The following ADGRL3 variants were observed in gnomAD, a reference collection of about 807,000 sequenced individuals.
ADGRL3 encodes the protein adhesion G protein-coupled receptor L3.
Under a neutral mutation model 153.5 loss-of-function variants are expected in ADGRL3, and 62 were observed. That is an observed-to-expected ratio of 0.40 (90% CI 0.33 to 0.50). ADGRL3 has a LOEUF of 0.50. Among genes scored for constraint, ADGRL3 ranks in the 20% least tolerant of loss-of-function variants. The pLI, the probability that ADGRL3 is intolerant of heterozygous loss-of-function variation, is 0.47. For missense variants in ADGRL3, 1,641 were observed against 1,859.4 expected, an observed-to-expected ratio of 0.88 and a Z score of 2.16; for synonymous variants, 710 against 672.5, an observed-to-expected ratio of 1.06 and a Z score of -0.86.
rs184534882 is a variant in ADGRL3 at position 61,583,535 on chromosome 4, A to G, written c.260-3692A>G. 155 of 348,480 alleles carry G rather than the reference A, an allele frequency of 4.4e-4. No individual in the cohort carries two copies. In the Middle Eastern group the frequency reaches 0.012, roughly 26 times the overall value. 21.6% of individuals were successfully genotyped at this position (348,480 alleles called of 1,614,324 possible). A position where few individuals can be genotyped will look rare whatever the true frequency, so the allele number is the denominator to read the frequency against. ...AGGGAGCTATTTCTTTTATTATTTG[A>G]TATTTATATTTTATGTGCTTTCCTC... On this transcript the variant is annotated intron_variant, in intron 4 of 26. Coordinates refer to ENST00000683033, the MANE Select transcript of ADGRL3 (RefSeq NM_001387552.1).
At chr4:61,935,157 A>C (rs2098832883) in intron 14 of ADGRL3, 134 bp downstream of exon 14, 2 of 708,916 alleles carry the variant, frequency 2.8e-6, no homozygotes, top group South Asian at 2.0e-5. Context: ...TTTTTCTAAA[A>C]TAAAGAGGGC....
intron 4 of ADGRL3, among the ~76,000 whole-genome samples, chr4:61,522,881 A>G (rs1028713708): frequency 6.6e-5 from 10 of 152,026 alleles, no homozygotes; most frequent in Non-Finnish European, 1.3e-4. Flanking sequence ...GGCAAATATT[A>G]TCTTTGCTGG....
At chr4:61,233,716 T>A (rs2149224725) in intron 1 of ADGRL3, among the ~76,000 whole-genome samples, 1 of 152,128 alleles carries the variant, frequency 6.6e-6, no homozygotes, top group Middle Eastern at 3.4e-3. Flanking sequence ...TGTGTGTGTG[T>A]TCTACAAGTT....
intron 1 of ADGRL3, among the ~76,000 whole-genome samples, chr4:61,258,917 G>A (rs532350122): frequency 3.9e-5 from 6 of 152,220 alleles, no homozygotes; most frequent in Admixed American, 1.3e-4. Flanking sequence ...TATTTACTTT[G>A]CTTCCTTAAA....
intron 1 of ADGRL3, among the ~76,000 whole-genome samples, chr4:61,211,144 A>G (rs1463370473): frequency 6.6e-6 from 1 of 152,108 alleles, no homozygotes; most frequent in African/African-American, 2.4e-5. Flanking sequence ...TGTTTTCACT[A>G]TTTCTCTTTT....
chr4:61,285,831 G>C (rs1168145593), intron 1 of ADGRL3, among the ~76,000 whole-genome samples: 2 of 151,614 alleles, frequency 1.3e-5, no homozygotes, highest in African/African-American at 4.8e-5. Context: ...AATTTAAAAA[G>C]GAATCACTTG....
chr4:61,703,317 C>G (rs759506365), intron 6 of ADGRL3, among the ~76,000 whole-genome samples: 3 of 151,880 alleles, frequency 2.0e-5, no homozygotes, highest in South Asian at 2.1e-4. Context: ...TTTCAGTACT[C>G]TAGTCACAAA....
At chr4:61,542,543 T>A (rs2098695143) in intron 4 of ADGRL3, among the ~76,000 whole-genome samples, 1 of 152,162 alleles carries the variant, frequency 6.6e-6, no homozygotes, top group Admixed American at 6.5e-5. Flanking sequence ...TATCCATGCA[T>A]TTATTTCTTT....
intron 9 of ADGRL3, among the ~76,000 whole-genome samples, chr4:61,831,303 T>A (rs551612814): frequency 6.6e-6 from 1 of 150,636 alleles, no homozygotes; most frequent in South Asian, 2.1e-4. Context: ...TGATAGAAAG[T>A]CATTAACTTC....
At chr4:61,392,478 G>A (rs2152027942) in intron 2 of ADGRL3, among the ~76,000 whole-genome samples, 1 of 151,342 alleles carries the variant, frequency 6.6e-6, no homozygotes, top group Admixed American at 6.6e-5. Context: ...ACGAGGTCAG[G>A]AGATCGAGAC....
chr4:61,412,387 C>T (rs1377126773), intron 2 of ADGRL3, among the ~76,000 whole-genome samples: 1 of 152,172 alleles, frequency 6.6e-6, no homozygotes, highest in Non-Finnish European at 1.5e-5. Context: ...CACACCAGGC[C>T]AGTACACTCA....
At chr4:61,336,853 A>G (rs1008429696) in intron 1 of ADGRL3, among the ~76,000 whole-genome samples, 1 of 137,326 alleles carries the variant, frequency 7.3e-6, no homozygotes, top group East Asian at 2.0e-4. Flanking sequence ...GTTTTCTTAC[A>G]GTTCCTTTTT....
chr4:61,866,748 C>T (rs1299435862), intron 9 of ADGRL3, among the ~76,000 whole-genome samples: 1 of 152,156 alleles, frequency 6.6e-6, no homozygotes, highest in Non-Finnish European at 1.5e-5. Context: ...ATGCGTCTCT[C>T]CCCTGAGAAT....
At chr4:61,646,329 G>T (rs2093982335) in intron 5 of ADGRL3, among the ~76,000 whole-genome samples, 1 of 152,156 alleles carries the variant, frequency 6.6e-6, no homozygotes, top group African/African-American at 2.4e-5. Context: ...TGCTGGTGAG[G>T]AACTGCGTTC....
chr4:61,493,770 A>G (rs2098282004), intron 2 of ADGRL3, among the ~76,000 whole-genome samples: 1 of 152,160 alleles, frequency 6.6e-6, no homozygotes, highest in South Asian at 2.1e-4. Context: ...TCTTCTTTGG[A>G]AATCCCGTGT....
chr4:61,676,373 C>A (rs1473541348), intron 5 of ADGRL3, among the ~76,000 whole-genome samples: 1 of 151,912 alleles, frequency 6.6e-6, no homozygotes, highest in African/African-American at 2.4e-5. Flanking sequence ...TTCAATACCA[C>A]TTTTCATACC....
In ADGRL3 at chr4:61,201,255, C is replaced by A; in HGVS notation, c.-750C>A. 6.5e-6 allele frequency: 1 copy of A among 153,904 alleles called. No individual in the cohort carries two copies. The highest frequency in any genetic ancestry group is 1.9e-4 in the South Asian group (1 of 5,294). 9.5% of individuals were successfully genotyped at this position (153,904 alleles called of 1,614,324 possible). ...AGATTTTTGGTCTCTTCGGCAGCGT[C>A]TTTTCTTAAGCGGCGGCGGCAGCAG... On this transcript the variant is annotated 5_prime_UTR_variant, in exon 1 of 27. Coordinates refer to ENST00000683033, the MANE Select transcript of ADGRL3 (RefSeq NM_001387552.1).
chr4:61,439,124 C>A (rs909539312), intron 2 of ADGRL3, among the ~76,000 whole-genome samples: 14 of 152,080 alleles, frequency 9.2e-5, no homozygotes, highest in Non-Finnish European at 1.8e-4. Flanking sequence ...ATGAAAACAT[C>A]ATCATGTTAT....
chr4:61,928,213 C>T (rs539614979), intron 13 of ADGRL3, among the ~76,000 whole-genome samples: 2 of 152,146 alleles, frequency 1.3e-5, no homozygotes, highest in African/African-American at 4.8e-5. Flanking sequence ...ATAAATGTAT[C>T]TATTACTATG....
Sources: gnomAD v4.1 joint callset for allele counts (sites outside exome capture counted in the v4.1 genomes callset) on GRCh38, gnomAD v4.1.1 for gene constraint, MANE v1.5 for transcripts, NCBI Gene and HGNC (gene_info 2026-07-23, HGNC 2026-07-21) for gene names.